Variants in GOSR2 observed in about 807,000 individuals in gnomAD.
GOSR2 encodes the protein 27 kDa Golgi SNARE protein.
In GOSR2, 20 loss-of-function variants were observed where a neutral mutation model predicts 27.9. The ratio of observed to expected loss-of-function variants is 0.72; its 90% CI spans 0.50 to 1.04. GOSR2 has a LOEUF of 1.04. Ranked by LOEUF, GOSR2 falls within the 50% of genes least tolerant of loss-of-function variation. The pLI is 0.00. For missense variants in GOSR2, 261 were observed against 270.5 expected (o/e 0.97, Z 0.25); for synonymous variants, 91 against 98.8 (o/e 0.92, Z 0.47).
At chr17:46,974,473 G>A (rs372328537) in intron 6 of GOSR2, among the ~76,000 whole-genome samples, 14 of 152,316 alleles carry the variant, frequency 9.2e-5, no homozygotes, top group African/African-American at 3.1e-4. Flanking sequence ...GGTGGCTCAC[G>A]CCTGTAATCC....
intron 6 of GOSR2, among the ~76,000 whole-genome samples, chr17:46,957,750 T>C (rs1183568766): frequency 1.3e-5 from 2 of 152,150 alleles, no homozygotes; most frequent in Non-Finnish European, 2.9e-5. Context: ...AGGATGCAGT[T>C]TGAACCTGTA....
intron 6 of GOSR2, among the ~76,000 whole-genome samples, chr17:46,966,346 C>T (rs748941282): frequency 5.9e-5 from 9 of 152,172 alleles, no homozygotes; most frequent in East Asian, 1.9e-4. Flanking sequence ...TGCAGTGGCA[C>T]GATCATGGCC....
At chr17:46,954,894 C>G (rs1186214037) in intron 6 of GOSR2, among the ~76,000 whole-genome samples, 1 of 152,182 alleles carries the variant, frequency 6.6e-6, no homozygotes, top group Non-Finnish European at 1.5e-5. Context: ...GCTGAAGTTG[C>G]TTATCAGCTT....
At chr17:46,965,793 T>C (rs2091290100) in intron 6 of GOSR2, among the ~76,000 whole-genome samples, 1 of 149,868 alleles carries the variant, frequency 6.7e-6, no homozygotes, top group Non-Finnish European at 1.5e-5. Context: ...CAGCTAATTT[T>C]TGTATTTTTT....
At chr17:46,928,560 G>C (rs950166551) in intron 1 of GOSR2, among the ~76,000 whole-genome samples, 2 of 152,158 alleles carry the variant, frequency 1.3e-5, no homozygotes, top group Non-Finnish European at 2.9e-5. Context: ...TGGCCAGACC[G>C]TGGGAAGCCT....
At chr17:46,945,348 G>T (rs1280182019), downstream of GOSR2, among the ~76,000 whole-genome samples, 1 of 152,182 alleles carries the variant, frequency 6.6e-6, no homozygotes, top group African/African-American at 2.4e-5. Flanking sequence ...TGTCAGGCTG[G>T]TGTGGGTGTG....
intron 3 of GOSR2, 76 bp from the exon 4 acceptor site, chr17:46,931,991 C>A: frequency 7.6e-7 from 1 of 1,310,792 alleles, no homozygotes; most frequent in Non-Finnish European, 1.1e-6. Context: ...CGTCTTTCCT[C>A]AGTACAAAGC....
Position 46,941,996 on chromosome 17 carries a change from A to C in GOSR2, c.*3236A>C, listed in dbSNP as rs2089343947. The C allele has an allele frequency of 1.0e-6, 1 of 975,350 alleles. No individual in the cohort carries two copies. The highest frequency in any genetic ancestry group is 6.1e-5 in the Admixed American group (1 of 16,262). 60.4% of individuals were successfully genotyped at this position (975,350 alleles called of 1,614,324 possible). A position where few individuals can be genotyped will look rare whatever the true frequency, so the allele number is the denominator to read the frequency against. On this transcript the variant is annotated 3_prime_UTR_variant, in exon 6 of 6. Coordinates refer to ENST00000640051, the MANE Select transcript of GOSR2 (RefSeq NM_004287.5). ...AAGAGCAAAACTTGTTAAGTCCAAA[A>C]TAAATTCTTACTGTTTATATCCTAC...
intron 4 of GOSR2, among the ~76,000 whole-genome samples, chr17:46,934,499 G>A (rs541137109): frequency 6.6e-6 from 1 of 152,286 alleles, no homozygotes; most frequent in Admixed American, 6.5e-5. Flanking sequence ...TCCACCCTGG[G>A]TGACAGAGGG....
At chr17:46,949,287 C>G (rs962113088) in intron 6 of GOSR2, 1 of 152,364 alleles carries the variant, frequency 6.6e-6, no homozygotes, top group African/African-American at 2.4e-5. Context: ...TCTGGAACAC[C>G]TGCACACGGC....
intron 1 of GOSR2, chr17:46,924,002 T>C: frequency 2.5e-6 from 1 of 396,900 alleles, no homozygotes; most frequent in Non-Finnish European, 4.4e-6. Context: ...TAAGATTTAC[T>C]GTTTTAACAA....
chr17:46,940,921 A>G lies in GOSR2; in HGVS notation c.*2161A>G, dbSNP rs2089181817. ...ACACATCTGCTTTCAGTGCCTGGTGAAAAATAGACCTTGGCCTAACAGTGT... is the reference window on the plus strand; with the variant it reads ...ACACATCTGCTTTCAGTGCCTGGTGGAAAATAGACCTTGGCCTAACAGTGT... On this transcript the variant is annotated 3_prime_UTR_variant, in exon 6 of 6. Transcript: ENST00000640051. 3 of 1,321,734 alleles carry G rather than the reference A, an allele frequency of 2.3e-6. No individual in the cohort carries two copies. The highest frequency in any genetic ancestry group is 2.9e-4 in the Middle Eastern group (1 of 3,406). 81.9% of individuals were successfully genotyped at this position (1,321,734 alleles called of 1,614,324 possible). A position where few individuals can be genotyped will look rare whatever the true frequency, so the allele number is the denominator to read the frequency against.
At chr17:46,936,131 A>G in intron 5 of GOSR2, 4 of 985,840 alleles carry the variant, frequency 4.1e-6, no homozygotes, top group Non-Finnish European at 4.8e-6. Flanking sequence ...GATGGCCTGG[A>G]AGGGTGGTCT....
In GOSR2 at chr17:46,939,013, C is replaced by T. The variant is rs2088874768; in HGVS notation, c.*253C>T. On this transcript the variant is annotated 3_prime_UTR_variant, in exon 6 of 6. Transcript: ENST00000640051. ...GTCCCGGGTCTGTCTCTCTCACTCT[C>T]GCTCTCACTGGGGGAGGGAAAGAAT... 9 of 1,330,262 alleles carry T rather than the reference C, an allele frequency of 6.8e-6. No individual in the cohort carries two copies. In the East Asian group the frequency reaches 1.4e-4, roughly 21 times the overall value. 82.4% of individuals were successfully genotyped at this position (1,330,262 alleles called of 1,614,324 possible).
intron 6 of GOSR2, among the ~76,000 whole-genome samples, chr17:46,972,279 C>T (rs2091401062): frequency 2.0e-5 from 3 of 152,220 alleles, no homozygotes; most frequent in East Asian, 1.9e-4. Context: ...CATCTTCTCC[C>T]TGCTGTCCTT....
chr17:46,944,560 C>G (rs2089663056), downstream of GOSR2, among the ~76,000 whole-genome samples: 1 of 152,016 alleles, frequency 6.6e-6, no homozygotes, highest in African/African-American at 2.4e-5. Context: ...CCCAGAGATG[C>G]CGAGCTACCT....
At chr17:46,945,592 G>A (rs1179924344), downstream of GOSR2, among the ~76,000 whole-genome samples, 4 of 152,124 alleles carry the variant, frequency 2.6e-5, no homozygotes, top group African/African-American at 9.7e-5. Context: ...CATCAGAGAG[G>A]AACAGGCGTG....
chr17:46,923,723 C>T (rs1300567091), intron 1 of GOSR2: 6 of 472,046 alleles, frequency 1.3e-5, no homozygotes, highest in East Asian at 3.5e-5. Flanking sequence ...ACGTAGCATT[C>T]ACTATTATTA....
At chr17:46,960,885 A>G (rs939971845) in intron 6 of GOSR2, among the ~76,000 whole-genome samples, 2 of 152,234 alleles carry the variant, frequency 1.3e-5, no homozygotes, top group Non-Finnish European at 2.9e-5. Flanking sequence ...AAGTGGCAGC[A>G]TGAAGGAGTA....
Sources: allele counts gnomAD v4.1 joint callset (sites outside exome capture counted in the v4.1 genomes callset), GRCh38; gene constraint gnomAD v4.1.1; transcripts MANE v1.5; gene names NCBI Gene and HGNC (gene_info 2026-07-23, HGNC 2026-07-21).